The following DGKI variants were observed in gnomAD, a reference collection of about 807,000 sequenced individuals.
DGKI encodes diacylglycerol kinase iota.
Under a neutral mutation model 147.5 loss-of-function variants are expected in DGKI, and 55 were observed. The ratio of observed to expected loss-of-function variants is 0.37; its 90% CI spans 0.30 to 0.47. The LOEUF (loss-of-function observed/expected upper bound fraction) is 0.47. DGKI is among the 20% of genes least tolerant of loss of function. DGKI has a pLI of 1.00. For synonymous variants in DGKI, 469 were observed against 477.1 expected, an observed-to-expected ratio of 0.98 and a Z score of 0.22; for missense variants, 1,007 against 1,323.8, an observed-to-expected ratio of 0.76 and a Z score of 3.71.
At chr7:137,661,131 C>T (rs918815) in intron 3 of DGKI, among the ~76,000 whole-genome samples, 3,246 of 152,262 alleles carry the variant, frequency 0.021, 78 homozygotes, top group African/African-American at 0.055. Context: ...CTGCTGACTA[C>T]ATAGCTTCTA....
chr7:137,624,599 C>CGTTTTT (rs1820866944), intron 6 of DGKI, among the ~76,000 whole-genome samples: 1 of 151,932 alleles, frequency 6.6e-6, no homozygotes, highest in South Asian at 2.1e-4. Context: ...GAACCTCTCT[C>CGTTTTT]GTTTTTGTTT....
At chr7:137,641,188 C>G (rs578161479) in intron 6 of DGKI, among the ~76,000 whole-genome samples, 1 of 152,170 alleles carries the variant, frequency 6.6e-6, no homozygotes, top group Non-Finnish European at 1.5e-5. Flanking sequence ...GTGACTTGCT[C>G]CTCCTTGCCT....
intron 1 of DGKI, among the ~76,000 whole-genome samples, chr7:137,768,783 T>C (rs1225640919): frequency 6.6e-6 from 1 of 152,128 alleles, no homozygotes; most frequent in Non-Finnish European, 1.5e-5. Flanking sequence ...AGGGACAAAA[T>C]AAATTGCAGC....
At chr7:137,440,666 A>G (rs1341620780) in intron 28 of DGKI, among the ~76,000 whole-genome samples, 1 of 152,226 alleles carries the variant, frequency 6.6e-6, no homozygotes, top group Non-Finnish European at 1.5e-5. Context: ...ACTGGGGGTG[A>G]TACATTGACT....
At chr7:137,393,315 A>G (rs1811433661) in intron 32 of DGKI, among the ~76,000 whole-genome samples, 1 of 152,202 alleles carries the variant, frequency 6.6e-6, no homozygotes, top group African/African-American at 2.4e-5. Flanking sequence ...TCAGAAACTT[A>G]GAAAGATAAA....
chr7:137,387,583 C>T lies in DGKI; in HGVS notation c.*3637G>A, dbSNP rs1038849993. On this transcript the variant is annotated 3_prime_UTR_variant, in exon 33 of 33. Transcript: ENST00000614521. ...CTATATATGTGTGTAAATGTATATG[C>T]GTATATACATACATACTTGTGCATG... The T allele has an allele frequency of 2.6e-5, 4 of 152,000 alleles. No homozygotes were observed. The highest frequency in any genetic ancestry group is 1.3e-4 in the Admixed American group (2 of 15,238). 9.4% of individuals were successfully genotyped at this position (152,000 alleles called of 1,614,324 possible).
intron 5 of DGKI, among the ~76,000 whole-genome samples, chr7:137,649,824 T>C (rs1346841635): frequency 6.7e-6 from 1 of 150,308 alleles, no homozygotes; most frequent in Non-Finnish European, 1.5e-5. Context: ...TTAGAAATCA[T>C]AACCCAGTCC....
Position 137,637,987 on chromosome 7 carries a change from A to G in DGKI, c.804+7485T>C, listed in dbSNP as rs140173537. 4.7e-3 allele frequency among the ~76,000 whole-genome samples: 712 copies of G among 152,270 alleles called. 12 individuals carry two copies. The highest frequency in any genetic ancestry group is 0.016 in the African/African-American group (661 of 41,554). On this transcript the variant is annotated intron_variant, in intron 6 of 32. Coordinates refer to ENST00000614521, the MANE Select transcript of DGKI (RefSeq NM_001321708.2). ...GCGGATTGAAGAAAGGCAATTTGGA[A>G]AGGGAGGTCAGCGCAAAGAATCACA...
At chr7:137,443,323 T>C (rs905056850) in intron 28 of DGKI, among the ~76,000 whole-genome samples, 4 of 152,192 alleles carry the variant, frequency 2.6e-5, no homozygotes, top group African/African-American at 4.8e-5. Flanking sequence ...GTATACAGTG[T>C]ACTAGGGAAA....
chr7:137,410,541 T>C lies in DGKI; in HGVS notation c.2799+1629A>G, dbSNP rs148739043. Among the ~76,000 whole-genome samples the C allele has an allele frequency of 2.6e-5, 4 of 152,364 alleles. No homozygotes were observed. The East Asian group carries it at 7.7e-4, about 29-fold the overall frequency. On this transcript the variant is annotated intron_variant, in intron 29 of 32. Transcript: ENST00000614521. ...TGAAATGACAAAAACCAAATTACTTTTGCACCAACCTATAATAAGACAACC... is the reference window on the plus strand; with the variant it reads ...TGAAATGACAAAAACCAAATTACTTCTGCACCAACCTATAATAAGACAACC...
intron 1 of DGKI, among the ~76,000 whole-genome samples, chr7:137,797,215 T>C (rs1413375018): frequency 6.6e-6 from 1 of 152,200 alleles, no homozygotes; most frequent in African/African-American, 2.4e-5. Flanking sequence ...ATTCTTCAAA[T>C]TTTATGAGAA....
At chr7:137,829,416 T>C (rs1288072268) in intron 1 of DGKI, among the ~76,000 whole-genome samples, 1 of 152,234 alleles carries the variant, frequency 6.6e-6, no homozygotes, top group African/African-American at 2.4e-5. Context: ...CATTCAAGGA[T>C]GGCTATCTAG....
intron 28 of DGKI, among the ~76,000 whole-genome samples, chr7:137,441,935 A>C (rs189987529): frequency 6.6e-6 from 1 of 152,376 alleles, no homozygotes; most frequent in Admixed American, 6.5e-5. Flanking sequence ...TACTAGCCAT[A>C]GTACACATGA....
intron 5 of DGKI, among the ~76,000 whole-genome samples, chr7:137,645,848 A>T (rs973654773): frequency 3.9e-5 from 6 of 152,268 alleles, no homozygotes; most frequent in Admixed American, 6.5e-5. Context: ...TATGGGTATG[A>T]CTTGTTTAAC....
intron 28 of DGKI, among the ~76,000 whole-genome samples, chr7:137,412,798 AT>A (rs1812211294): frequency 6.6e-6 from 1 of 152,188 alleles, no homozygotes; most frequent in African/African-American, 2.4e-5. Flanking sequence ...AATCAAGTCT[AT>A]TTTAATTGTG....
At chr7:137,472,049 A>ATATGTTATATACATACATATATAT (rs1448174913) in intron 23 of DGKI, among the ~76,000 whole-genome samples, 2 of 132,498 alleles carry the variant, frequency 1.5e-5, no homozygotes, top group Non-Finnish European at 3.1e-5. Flanking sequence ...ATATATGTAT[A>ATATGTTATATACATACATATATAT]TATGTTATAT....
rs531455533 is a variant in DGKI at position 137,556,097 on chromosome 7, C to T, written c.1948-3529G>A. ...AAAATACATCATTGTAATTTCAGTA[C>T]ATTAATTATTTAAATGAGAAAAACC... On this transcript the variant is annotated intron_variant, in intron 19 of 32. Transcript: ENST00000614521. Among the ~76,000 whole-genome samples, 15 of 151,868 alleles carry T rather than the reference C, an allele frequency of 9.9e-5. No homozygotes were observed. In the South Asian group the frequency reaches 3.1e-3, roughly 32 times the overall value.
chr7:137,394,643 T>C (rs1811483000), intron 32 of DGKI, among the ~76,000 whole-genome samples: 1 of 152,180 alleles, frequency 6.6e-6, no homozygotes, highest in Non-Finnish European at 1.5e-5. Context: ...CTATCAAGGT[T>C]GGCATACATG....
intron 21 of DGKI, among the ~76,000 whole-genome samples, chr7:137,490,314 C>T (rs1432633357): frequency 1.3e-5 from 2 of 152,142 alleles, no homozygotes; most frequent in South Asian, 2.1e-4. Flanking sequence ...TTAAAGACTA[C>T]GGTGTTTAGA....
Sources: gnomAD v4.1 joint callset for allele counts (sites outside exome capture counted in the v4.1 genomes callset) on GRCh38, gnomAD v4.1.1 for gene constraint, MANE v1.5 for transcripts, NCBI Gene and HGNC (gene_info 2026-07-23, HGNC 2026-07-21) for gene names.